Variants in PARPBP observed in about 807,000 individuals in gnomAD.
The protein encoded by PARPBP is PARP1 binding protein.
A neutral mutation model predicts 50.0 loss-of-function variants in PARPBP; 52 were observed. The ratio of observed to expected loss-of-function variants is 1.04; its 90% confidence interval spans 0.83 to 1.31. The LOEUF is 1.31. PARPBP is among the 50% of genes most tolerant of loss of function. The pLI is 0.00. For missense variants in PARPBP, 697 were observed against 672.0 expected, an observed-to-expected ratio of 1.04 and a Z score of -0.41; for synonymous variants, 244 against 232.1, an observed-to-expected ratio of 1.05 and a Z score of -0.47.
chr12:102,192,312 C>G (rs1459958740), intron 9 of PARPBP, among the ~76,000 whole-genome samples: 1 of 152,080 alleles, frequency 6.6e-6, no homozygotes, highest in Non-Finnish European at 1.5e-5. Context: ...GCATCCAATT[C>G]TGATAATTCT....
intron 9 of PARPBP, among the ~76,000 whole-genome samples, chr12:102,185,476 T>A (rs193113539): frequency 7.4e-4 from 112 of 152,304 alleles, no homozygotes; most frequent in Non-Finnish European, 2.1e-4. Context: ...ATTAGAGATG[T>A]TGGCCTACAG....
In PARPBP at chr12:102,196,609, T is replaced by C. The variant is rs1891332177; in HGVS notation, c.*318T>C. ...GCTTCTCCTCCCATTGGCAATTAAA[T>C]GCTTTTATTTTCTTCTGAAAAGATG... On this transcript the variant is annotated 3_prime_UTR_variant, in exon 11 of 11. Transcript: ENST00000327680. The C allele has an allele frequency of 6.9e-7, 1 of 1,448,012 alleles. No individual in the cohort carries two copies. Among genetic ancestry groups the C allele is most frequent in the South Asian group, 1.1e-5 (1 of 87,092 alleles). 89.7% of individuals were successfully genotyped at this position (1,448,012 alleles called of 1,614,324 possible).
intron 8 of PARPBP, among the ~76,000 whole-genome samples, chr12:102,182,206 C>A (rs565137676): frequency 6.6e-6 from 1 of 152,206 alleles, no homozygotes; most frequent in South Asian, 2.1e-4. Context: ...CAGCAGTGAA[C>A]CACAGTATTC....
At chr12:102,182,697 C>A in intron 9 of PARPBP, 70 bp downstream of exon 9, 2 of 994,938 alleles carry the variant, frequency 2.0e-6, no homozygotes, top group Non-Finnish European at 3.2e-6. Context: ...ATACATGAAG[C>A]TGAGCTGGGT....
At chr12:102,124,638 G>C (rs970677493) in intron 2 of PARPBP, among the ~76,000 whole-genome samples, 3 of 152,184 alleles carry the variant, frequency 2.0e-5, no homozygotes, top group Non-Finnish European at 4.4e-5. Flanking sequence ...GAGGAGGTAT[G>C]ATGAGGAAAG....
chr12:102,196,497 GCATAT>G lies in PARPBP; in HGVS notation c.*210_*214del. On this transcript the variant is annotated 3_prime_UTR_variant, in exon 11 of 11. Transcript: ENST00000327680. The stretch of plus-strand genomic sequence containing the variant: ...TCACAAAGTTTAATGCACAGAGAAA[GCATAT>G]CATTTCAGTTACTGATACATCTTAA... 1 of 743,922 alleles carries G rather than the reference GCATAT, an allele frequency of 1.3e-6. No individual in the cohort carries two copies. Among genetic ancestry groups the G allele is most frequent in the Non-Finnish European group, 2.3e-6 (1 of 426,290 alleles). The allele number at this position is 743,922 out of a possible 1,614,324, so 46.1% of individuals were successfully genotyped here. A position where few individuals can be genotyped will look rare whatever the true frequency, so the allele number is the denominator to read the frequency against.
At chr12:102,155,382 G>A (rs1886736462) in intron 4 of PARPBP, 2 of 152,132 alleles carry the variant, frequency 1.3e-5, no homozygotes, top group Admixed American at 6.5e-5. Context: ...CTATGCCTCA[G>A]GCCATTGAGA....
chr12:102,175,364 A>T lies in PARPBP; in HGVS notation c.822-119A>T, dbSNP rs904012058. ...TTCTTAAATGCTTTAACTGTTTGAT[A>T]TATAAGATCAAAGCTATATTCTTTG... On this transcript the variant is annotated intron_variant, in intron 6 of 10. Coordinates refer to ENST00000327680, the MANE Select transcript of PARPBP (RefSeq NM_017915.5). 27 of 577,130 alleles carry T rather than the reference A, an allele frequency of 4.7e-5. No individual in the cohort carries two copies. In the South Asian group the frequency reaches 1.1e-3, roughly 23 times the overall value. 35.8% of individuals were successfully genotyped at this position (577,130 alleles called of 1,614,324 possible).
chr12:102,156,796 C>T (rs1312140455), intron 4 of PARPBP, among the ~76,000 whole-genome samples: 1 of 152,050 alleles, frequency 6.6e-6, no homozygotes, highest in East Asian at 1.9e-4. Flanking sequence ...CGTGCACCAC[C>T]ACGCCTGGCT....
chr12:102,140,160 A>C (rs879746431), intron 2 of PARPBP, among the ~76,000 whole-genome samples: 1 of 152,048 alleles, frequency 6.6e-6, no homozygotes, highest in Non-Finnish European at 1.5e-5. Context: ...TCAATTTCAG[A>C]GCCTGTTATT....
At chr12:102,191,948 CAG>C (rs1367994779) in intron 9 of PARPBP, among the ~76,000 whole-genome samples, 3 of 152,072 alleles carry the variant, frequency 2.0e-5, no homozygotes, top group Admixed American at 2.0e-4. Context: ...ATCAAATACA[CAG>C]AGAGATTTGG....
intron 7 of PARPBP, among the ~76,000 whole-genome samples, chr12:102,175,881 GTT>G: frequency 6.6e-6 from 1 of 152,020 alleles, no homozygotes; most frequent in East Asian, 1.9e-4. Context: ...TTCTGAATTT[GTT>G]AAAGTAAGGC....
chr12:102,196,065 A>G lies in PARPBP; in HGVS notation c.1514A>G (p.Asn505Ser), dbSNP rs765478136. The change falls in exon 11 of 11, where the codon AAT becomes AGT. Residue 505 changes from asparagine to serine, a missense_variant. By Grantham distance (46) the Asn-to-Ser change is conservative (BLOSUM62 1). Transcript: ENST00000327680. ...VSRKSTSQTG[N>S]KSSKRKQVDL... Reference sequence around the variant, plus strand: ...AGAAAATCAACCAGTCAGACAGGAAATAAAAGCTCAAAAAGGAAACAGGTG... The same window carrying G: ...AGAAAATCAACCAGTCAGACAGGAAGTAAAAGCTCAAAAAGGAAACAGGTG... 56 of 1,611,968 alleles carry G rather than the reference A, an allele frequency of 3.5e-5. No homozygotes were observed. Among genetic ancestry groups the G allele is most frequent in the Non-Finnish European group, 4.7e-5 (55 of 1,178,718 alleles).
rs141226318 is a variant in PARPBP at position 102,189,783 on chromosome 12, A to G, written c.1264-5529A>G. On this transcript the variant is annotated intron_variant, in intron 9 of 10. Transcript: ENST00000327680. ...TTAAGGACAGTATGCCTTTTATGGT[A>G]TTAAGGAATAGAGTAATTTTTTAAG... Among the ~76,000 whole-genome samples, 23 of 152,278 alleles carry G rather than the reference A, an allele frequency of 1.5e-4. No homozygotes were observed. The East Asian group carries it at 3.9e-3, about 26-fold the overall frequency.
intron 6 of PARPBP, among the ~76,000 whole-genome samples, chr12:102,166,512 T>C (rs550878165): frequency 6.6e-6 from 1 of 152,250 alleles, no homozygotes; most frequent in Non-Finnish European, 1.5e-5. Flanking sequence ...AAATAGCTGA[T>C]ATTTATTGAA....
intron 6 of PARPBP, among the ~76,000 whole-genome samples, chr12:102,172,052 A>G (rs1888809076): frequency 1.3e-5 from 2 of 152,294 alleles, no homozygotes; most frequent in Non-Finnish European, 2.9e-5. Context: ...AGTATTACCA[A>G]TCATTTGTCT....
intron 4 of PARPBP, among the ~76,000 whole-genome samples, chr12:102,158,424 A>T (rs964339494): frequency 1.3e-5 from 2 of 152,170 alleles, no homozygotes; most frequent in East Asian, 1.9e-4. Flanking sequence ...TTAATCTTTG[A>T]TGCTAAAATA....
At chr12:102,154,724 T>C in intron 4 of PARPBP, 1 of 389,344 alleles carries the variant, frequency 2.6e-6, no homozygotes, top group South Asian at 1.9e-5. Flanking sequence ...CCCCAAAATA[T>C]GTTTCTTTGC....
intron 4 of PARPBP, among the ~76,000 whole-genome samples, chr12:102,157,393 T>C (rs1887069760): frequency 6.6e-6 from 1 of 152,030 alleles, no homozygotes; most frequent in South Asian, 2.1e-4. Context: ...TCTCCATTTG[T>C]CCCCAAAATG....
Sources: gnomAD v4.1 joint callset for allele counts (sites outside exome capture counted in the v4.1 genomes callset) on GRCh38, gnomAD v4.1.1 for gene constraint, MANE v1.5 for transcripts, NCBI Gene and HGNC (gene_info 2026-07-23, HGNC 2026-07-21) for gene names.